SLC44A5: variants seen among roughly 807,000 people sequenced by gnomAD.
SLC44A5 encodes the protein solute carrier family 44 member 5.
Under a neutral mutation model 101.8 loss-of-function variants are expected in SLC44A5, and 57 were observed. The ratio of observed to expected loss-of-function variants is 0.56; its 90% CI spans 0.45 to 0.70. The LOEUF is 0.70. Among genes scored for constraint, SLC44A5 ranks in the 30% least tolerant of loss-of-function variants. The probability of loss-of-function intolerance (pLI) is 0.00; values close to 1 mark genes in which losing one functional copy is unlikely to be tolerated. For missense variants in SLC44A5, 737 were observed against 853.1 expected, an observed-to-expected ratio of 0.86 and a Z score of 1.70; for synonymous variants, 281 against 290.9, an observed-to-expected ratio of 0.97 and a Z score of 0.35.
rs1028674085 is a variant in SLC44A5, at chr1:75,536,499, G to C, written c.13+4936C>G. ...GCCTGTAGTCCCAGCTACTCCGGAG[G>C]CTGAGGTAGGAGAATGGCATGAACC... is the stretch of plus-strand genomic sequence containing the variant. On this transcript the variant is annotated intron_variant, in intron 2 of 23. Transcript: ENST00000370859. Among the ~76,000 whole-genome samples the C allele has an allele frequency of 1.3e-5, 2 of 150,954 alleles. 1 individual carries two copies. The highest frequency in any genetic ancestry group is 3.0e-5 in the Non-Finnish European group (2 of 67,772).
intron 2 of SLC44A5, among the ~76,000 whole-genome samples, chr1:75,419,194 G>GA (rs1042360958): frequency 4.6e-5 from 7 of 151,826 alleles, no homozygotes; most frequent in African/African-American, 1.7e-4. Flanking sequence ...AAAAATATTT[G>GA]AAAAAATAAT....
intron 2 of SLC44A5, chr1:75,521,666 T>G (rs1670131430): frequency 6.6e-6 from 1 of 152,440 alleles, no homozygotes; most frequent in Non-Finnish European, 1.5e-5. Flanking sequence ...CGGAATTTTT[T>G]GCTTTGCTTG....
the SLC44A5 span, among the ~76,000 whole-genome samples, chr1:75,618,244 C>T: frequency 6.6e-6 from 1 of 152,182 alleles, no homozygotes; most frequent in Non-Finnish European, 1.5e-5. Flanking sequence ...GATTAATATG[C>T]TTTTACACTG....
chr1:75,642,365 C>G, the SLC44A5 span, among the ~76,000 whole-genome samples: 1 of 152,128 alleles, frequency 6.6e-6, no homozygotes, highest in African/African-American at 2.4e-5. Context: ...ATACAGCAAT[C>G]TTTTTACCTG....
chr1:75,548,849 C>T (rs1013201736), intron 1 of SLC44A5, among the ~76,000 whole-genome samples: 1 of 152,062 alleles, frequency 6.6e-6, no homozygotes. Flanking sequence ...CAATTCATGT[C>T]AAAGTAAATA....
intron 2 of SLC44A5, among the ~76,000 whole-genome samples, chr1:75,510,349 A>T (rs576627466): frequency 3.8e-4 from 58 of 152,300 alleles, no homozygotes; most frequent in African/African-American, 1.3e-3. Flanking sequence ...AAAATACTGT[A>T]TTTCTCAAAT....
intron 1 of SLC44A5, among the ~76,000 whole-genome samples, chr1:75,609,533 G>T (rs1331940450): frequency 6.6e-6 from 1 of 151,880 alleles, no homozygotes; most frequent in Non-Finnish European, 1.5e-5. Flanking sequence ...AGATTTTAGG[G>T]CTTTTGTATT....
intron 3 of SLC44A5, among the ~76,000 whole-genome samples, chr1:75,369,183 T>A (rs1441225389): frequency 6.6e-6 from 1 of 152,036 alleles, no homozygotes. Context: ...TTGGCTATTT[T>A]TTTTTTTAAT....
intron 3 of SLC44A5, among the ~76,000 whole-genome samples, chr1:75,363,187 C>G (rs1659619579): frequency 6.6e-6 from 1 of 151,986 alleles, no homozygotes; most frequent in Non-Finnish European, 1.5e-5. Context: ...CTCTATGTAT[C>G]TCTTTACTAG....
chr1:75,533,979 T>A (rs569712595), intron 2 of SLC44A5, among the ~76,000 whole-genome samples: 273 of 152,262 alleles, frequency 1.8e-3, no homozygotes, highest in African/African-American at 6.1e-3. Flanking sequence ...AAAAAGCAGA[T>A]AATTACCCAA....
the SLC44A5 span, chr1:75,641,984 T>A: frequency 2.2e-3 from 3,393 of 1,537,904 alleles, 5 homozygotes; most frequent in Non-Finnish European, 2.6e-3. Context: ...AGAATCATCT[T>A]CCTCCTCATC....
chr1:75,404,020 T>G (rs1662682575), intron 2 of SLC44A5, among the ~76,000 whole-genome samples: 1 of 152,054 alleles, frequency 6.6e-6, no homozygotes, highest in Non-Finnish European at 1.5e-5. Flanking sequence ...ATGATGGAGC[T>G]GCAAAACACA....
At chr1:75,218,031 T>G (rs1305430387) in intron 17 of SLC44A5, 71 bp from the exon 18 acceptor site, 3 of 1,025,894 alleles carry the variant, frequency 2.9e-6, no homozygotes, top group Non-Finnish European at 4.5e-6. Flanking sequence ...ATTGAATAAT[T>G]TTCACAAGTA....
At chr1:75,627,698 T>C in the SLC44A5 span, among the ~76,000 whole-genome samples, 4 of 151,394 alleles carry the variant, frequency 2.6e-5, no homozygotes, top group African/African-American at 9.7e-5. Flanking sequence ...AAATAAAAAT[T>C]AAAGAAGAAG....
chr1:75,653,343 A>G, the SLC44A5 span, among the ~76,000 whole-genome samples: 114,380 of 152,052 alleles, frequency 0.75, 43,376 homozygotes, highest in East Asian at 0.96. Flanking sequence ...TTAGCTGGGT[A>G]TGGTGGCACA....
intron 2 of SLC44A5, among the ~76,000 whole-genome samples, chr1:75,442,620 T>A (rs955558449): frequency 6.6e-6 from 1 of 152,120 alleles, no homozygotes; most frequent in Non-Finnish European, 1.5e-5. Context: ...GTTTTCCTCT[T>A]AGTAATTTTC....
At chr1:75,274,700 T>A (rs907258247) in intron 6 of SLC44A5, among the ~76,000 whole-genome samples, 3 of 152,212 alleles carry the variant, frequency 2.0e-5, no homozygotes, top group Non-Finnish European at 1.5e-5. Context: ...TGGTCCAATC[T>A]ATTCATTATA....
intron 2 of SLC44A5, among the ~76,000 whole-genome samples, chr1:75,406,053 A>G (rs1662841762): frequency 6.6e-6 from 1 of 152,202 alleles, no homozygotes; most frequent in African/African-American, 2.4e-5. Context: ...CCACAGAAAT[A>G]CAAACTATTG....
Position 75,357,700 on chromosome 1 carries a change from A to G in SLC44A5, c.53-18070T>C, listed in dbSNP as rs116722662. On this transcript the variant is annotated intron_variant, in intron 3 of 23. Coordinates refer to ENST00000370859, the MANE Select transcript of SLC44A5 (RefSeq NM_001130058.2). Reference sequence around the variant, plus strand: ...GTGGGTGGAGGAAGGAAAACTTGGGATAGAAAATCCTGTGTGTCAAGGAAA... The same window carrying G: ...GTGGGTGGAGGAAGGAAAACTTGGGGTAGAAAATCCTGTGTGTCAAGGAAA... 5.3e-3 allele frequency among the ~76,000 whole-genome samples: 810 copies of G among 152,200 alleles called. 7 individuals carry two copies. Among genetic ancestry groups the G allele is most frequent in the African/African-American group, 0.019 (775 of 41,532 alleles).
Sources: allele counts gnomAD v4.1 joint callset (sites outside exome capture counted in the v4.1 genomes callset), GRCh38; gene constraint gnomAD v4.1.1; transcripts MANE v1.5; gene names NCBI Gene and HGNC (gene_info 2026-07-23, HGNC 2026-07-21).